The following LRRC4C variants were observed in gnomAD, a reference collection of about 807,000 sequenced individuals.
LRRC4C encodes leucine-rich repeat-containing protein 4C.
LRRC4C carries 5 observed loss-of-function variants against 33.6 expected under a neutral mutation model. The ratio of observed to expected loss-of-function variants is 0.15; its 90% CI spans 0.08 to 0.31. The LOEUF is 0.31. LRRC4C is among the 10% of genes least tolerant of loss of function. The probability of loss-of-function intolerance (pLI) is 1.00; values close to 1 mark genes in which losing one functional copy is unlikely to be tolerated. For synonymous variants in LRRC4C, 329 were observed against 302.0 expected, an observed-to-expected ratio of 1.09 and a Z score of -0.93; for missense variants, 560 against 796.7, an observed-to-expected ratio of 0.70 and a Z score of 3.58.
intron 4 of LRRC4C, among the ~76,000 whole-genome samples, chr11:40,261,553 T>C (rs1043703008): frequency 6.6e-6 from 1 of 152,078 alleles, no homozygotes; most frequent in African/African-American, 2.4e-5. Context: ...AGACTATAAA[T>C]CTTTGTGATA....
chr11:40,953,440 T>C (rs926844964), intron 1 of LRRC4C, among the ~76,000 whole-genome samples: 1 of 151,842 alleles, frequency 6.6e-6, no homozygotes, highest in Non-Finnish European at 1.5e-5. Context: ...CATAACAGTC[T>C]CCACCTTCTC....
chr11:40,900,199 A>G (rs1338424276), intron 2 of LRRC4C, among the ~76,000 whole-genome samples: 2 of 152,064 alleles, frequency 1.3e-5, no homozygotes, highest in Non-Finnish European at 2.9e-5. Flanking sequence ...ATTATAATGT[A>G]TTTTCCATTA....
intron 3 of LRRC4C, among the ~76,000 whole-genome samples, chr11:40,449,330 G>A (rs1358318064): frequency 2.3e-5 from 3 of 132,334 alleles, no homozygotes; most frequent in East Asian, 4.5e-4. Flanking sequence ...ACAAAACAAA[G>A]CAAAACAAAA....
chr11:41,074,472 T>C (rs1458225609), intron 1 of LRRC4C, among the ~76,000 whole-genome samples: 1 of 152,212 alleles, frequency 6.6e-6, no homozygotes, highest in Non-Finnish European at 1.5e-5. Flanking sequence ...GTTTTCCCCA[T>C]ACAGAGCAAG....
intron 1 of LRRC4C, among the ~76,000 whole-genome samples, chr11:41,123,513 C>A (rs1274144392): frequency 6.6e-6 from 1 of 151,406 alleles, no homozygotes; most frequent in Non-Finnish European, 1.5e-5. Flanking sequence ...ACCTCGTGAT[C>A]CGCCCGCCTC....
intron 2 of LRRC4C, 84 bp from the exon 3 acceptor site, chr11:40,648,362 A>T (rs916267706): frequency 5.3e-5 from 8 of 152,208 alleles, no homozygotes; most frequent in Admixed American, 3.3e-4. Context: ...TAGAGCTCAC[A>T]CTAAAAAAAA....
chr11:40,517,261 A>T (rs895174260), intron 3 of LRRC4C, among the ~76,000 whole-genome samples: 2 of 152,180 alleles, frequency 1.3e-5, no homozygotes, highest in Non-Finnish European at 2.9e-5. Context: ...TTACATAGAT[A>T]TATGTCAATG....
chr11:40,480,990 T>G (rs1162315934), intron 3 of LRRC4C, among the ~76,000 whole-genome samples: 1 of 151,842 alleles, frequency 6.6e-6, no homozygotes, highest in Admixed American at 6.6e-5. Context: ...ATGAAGAAGT[T>G]TGGGAAATCT....
At chr11:41,384,628 A>G (rs1355439540) in intron 1 of LRRC4C, among the ~76,000 whole-genome samples, 6 of 151,296 alleles carry the variant, frequency 4.0e-5, no homozygotes, top group Non-Finnish European at 8.9e-5. Flanking sequence ...GTTTCTGAAG[A>G]CCAGATAAAA....
intron 1 of LRRC4C, among the ~76,000 whole-genome samples, chr11:41,421,999 C>CATAATGATACTTAATGATACTTAATGAT (rs1954887391): frequency 6.6e-6 from 1 of 151,896 alleles, no homozygotes; most frequent in Admixed American, 6.6e-5. Flanking sequence ...ATCATATGGC[C>CATAATGATACTTAATGATACTTAATGAT]ACATAATGAT....
intron 1 of LRRC4C, among the ~76,000 whole-genome samples, chr11:41,133,286 C>A (rs1943099312): frequency 6.6e-6 from 1 of 152,136 alleles, no homozygotes; most frequent in South Asian, 2.1e-4. Flanking sequence ...AAGTTCAGGG[C>A]TAACCATAGG....
At chr11:40,234,607 A>G (rs2136039041) in intron 5 of LRRC4C, among the ~76,000 whole-genome samples, 1 of 152,272 alleles carries the variant, frequency 6.6e-6, no homozygotes, top group South Asian at 2.1e-4. Context: ...CATCTCTACC[A>G]AAAAATTTTG....
chr11:41,171,609 C>T (rs554469105), intron 1 of LRRC4C, among the ~76,000 whole-genome samples: 10 of 56,682 alleles, frequency 1.8e-4, no homozygotes, highest in African/African-American at 5.9e-4. Context: ...TGTGGGGTGG[C>T]GGGAGGGGGG....
At chr11:41,003,221 T>G (rs1472966526) in intron 1 of LRRC4C, among the ~76,000 whole-genome samples, 1 of 152,176 alleles carries the variant, frequency 6.6e-6, no homozygotes. Context: ...TTTCTTTAAT[T>G]TTTAAATACC....
chr11:40,858,782 T>C (rs922462355), intron 2 of LRRC4C, among the ~76,000 whole-genome samples: 1 of 151,628 alleles, frequency 6.6e-6, no homozygotes, highest in Non-Finnish European at 1.5e-5. Flanking sequence ...TCAGGGATGA[T>C]GTATTTTAAT....
chr11:40,605,135 G>A (rs1050887136), intron 3 of LRRC4C, among the ~76,000 whole-genome samples: 2 of 152,150 alleles, frequency 1.3e-5, no homozygotes, highest in African/African-American at 4.8e-5. Flanking sequence ...AATTGAGGGT[G>A]AGAGATTTAG....
chr11:40,722,164 T>C (rs1292808695), intron 2 of LRRC4C, among the ~76,000 whole-genome samples: 1 of 152,144 alleles, frequency 6.6e-6, no homozygotes. Context: ...GGGAGGGAGA[T>C]ATTTTTATTT....
intron 1 of LRRC4C, among the ~76,000 whole-genome samples, chr11:40,964,806 T>C (rs1355193485): frequency 2.0e-5 from 3 of 151,838 alleles, no homozygotes; most frequent in African/African-American, 7.3e-5. Context: ...GTCTTTGCTA[T>C]TGTGAATAGT....
At chr11:40,855,169 C>T (rs1192839450) in intron 2 of LRRC4C, among the ~76,000 whole-genome samples, 1 of 152,148 alleles carries the variant, frequency 6.6e-6, no homozygotes, top group Non-Finnish European at 1.5e-5. Context: ...TCTTTTCTTC[C>T]TTGTGCTCAG....
Sources: allele counts gnomAD v4.1 joint callset (sites outside exome capture counted in the v4.1 genomes callset), GRCh38; gene constraint gnomAD v4.1.1; transcripts MANE v1.5; gene names NCBI Gene and HGNC (gene_info 2026-07-23, HGNC 2026-07-21).